The following TOX variants were observed in gnomAD, a reference collection of about 807,000 sequenced individuals.
TOX encodes the protein thymocyte selection associated high mobility group box, also known as thymocyte selection-associated high mobility group box protein TOX.
In TOX, 11 loss-of-function variants were observed where a neutral mutation model predicts 53.7. The observed-to-expected ratio is 0.20, with a 90% CI of 0.13 to 0.34. The LOEUF is 0.34. Ranked by LOEUF, TOX falls within the 10% of genes least tolerant of loss-of-function variation. The pLI, the probability that TOX is intolerant of heterozygous loss-of-function variation, is 1.00. For synonymous variants in TOX, 225 were observed against 245.3 expected (o/e 0.92, Z 0.77); for missense variants, 570 against 664.6 (o/e 0.86, Z 1.56).
At chr8:59,091,175 C>T (rs1047046186) in intron 1 of TOX, among the ~76,000 whole-genome samples, 3 of 152,162 alleles carry the variant, frequency 2.0e-5, no homozygotes, top group African/African-American at 7.2e-5. Flanking sequence ...AGCCTCAATT[C>T]CTTCTCATTC....
At chr8:58,810,724 G>A (rs972097619) in intron 7 of TOX, among the ~76,000 whole-genome samples, 5 of 151,896 alleles carry the variant, frequency 3.3e-5, no homozygotes, top group African/African-American at 1.2e-4. Flanking sequence ...AGAAGTAGTC[G>A]AGAATATATT....
chr8:58,857,371 A>G (rs1810933059), intron 3 of TOX, among the ~76,000 whole-genome samples: 1 of 152,112 alleles, frequency 6.6e-6, no homozygotes, highest in South Asian at 2.1e-4. Flanking sequence ...GGCTCTTAAT[A>G]TTTATCTCAC....
At chr8:59,013,571 C>T (rs1228451895) in intron 1 of TOX, among the ~76,000 whole-genome samples, 2 of 152,062 alleles carry the variant, frequency 1.3e-5, no homozygotes, top group Non-Finnish European at 2.9e-5. Context: ...CCACCATGCC[C>T]AGCTTATTTT....
At chr8:59,091,998 C>T (rs1429584757) in intron 1 of TOX, among the ~76,000 whole-genome samples, 1 of 151,752 alleles carries the variant, frequency 6.6e-6, no homozygotes, top group Non-Finnish European at 1.5e-5. Flanking sequence ...GCCTGTAATC[C>T]CAGCACTTTG....
chr8:58,846,711 A>G lies in TOX; in HGVS notation c.693+4813T>C, dbSNP rs111769081. Among the ~76,000 whole-genome samples the G allele has an allele frequency of 1.4e-3, 207 of 152,280 alleles. 1 individual carries two copies. The highest frequency in any genetic ancestry group is 4.7e-3 in the African/African-American group (194 of 41,556). On this transcript the variant is annotated intron_variant, in intron 4 of 8. Transcript: ENST00000361421. ...GAACTCAGAGACGACGCGTGTATTA[A>G]AGGCAGCTTTCATACTGAAGATATT...
At chr8:59,048,357 C>T (rs568194746) in intron 1 of TOX, among the ~76,000 whole-genome samples, 2 of 152,326 alleles carry the variant, frequency 1.3e-5, no homozygotes, top group African/African-American at 2.4e-5. Context: ...AGGTACCTCC[C>T]TGAGTCTGCA....
intron 3 of TOX, among the ~76,000 whole-genome samples, chr8:58,894,299 C>G (rs1395738053): frequency 6.6e-6 from 1 of 152,176 alleles, no homozygotes; most frequent in Non-Finnish European, 1.5e-5. Context: ...GTTCTCAAAA[C>G]AGCTCAGCGG....
At chr8:59,109,484 G>C (rs2129424865) in intron 1 of TOX, among the ~76,000 whole-genome samples, 1 of 152,168 alleles carries the variant, frequency 6.6e-6, no homozygotes, top group East Asian at 1.9e-4. Context: ...TAGGTGCTTA[G>C]GGGTGCTGAC....
At chr8:59,092,307 T>TATAC (rs1563443781) in intron 1 of TOX, among the ~76,000 whole-genome samples, 3 of 112,152 alleles carry the variant, frequency 2.7e-5, no homozygotes, top group African/African-American at 1.1e-4. Context: ...ATATATTATA[T>TATAC]ATTATATATA....
At chr8:59,034,011 C>T (rs1814410196) in intron 1 of TOX, among the ~76,000 whole-genome samples, 1 of 152,162 alleles carries the variant, frequency 6.6e-6, no homozygotes, top group Admixed American at 6.5e-5. Flanking sequence ...CTGCAAGTGG[C>T]CAAGATTTTG....
chr8:58,897,713 T>TTTTTTTA (rs57181050), intron 3 of TOX, among the ~76,000 whole-genome samples: 2 of 151,794 alleles, frequency 1.3e-5, no homozygotes, highest in Non-Finnish European at 2.9e-5. Flanking sequence ...CTTTTTTTTT[T>TTTTTTTA]AACACATCCT....
At chr8:58,993,278 A>T (rs989904416) in intron 1 of TOX, among the ~76,000 whole-genome samples, 8 of 152,194 alleles carry the variant, frequency 5.3e-5, no homozygotes, top group African/African-American at 1.4e-4. Context: ...TTAAGATTAG[A>T]TTTAAGGTTA....
chr8:58,865,007 A>G (rs936238965), intron 3 of TOX, among the ~76,000 whole-genome samples: 2 of 151,866 alleles, frequency 1.3e-5, no homozygotes, highest in Non-Finnish European at 2.9e-5. Context: ...AGAAAAGAAG[A>G]GCTTTCCCTA....
At chr8:58,985,121 C>T (rs929990999) in intron 1 of TOX, among the ~76,000 whole-genome samples, 1 of 149,298 alleles carries the variant, frequency 6.7e-6, no homozygotes, top group Admixed American at 6.7e-5. Context: ...ATATTATACT[C>T]ATGTCCATAG....
At chr8:58,965,191 G>T (rs552558263) in intron 1 of TOX, among the ~76,000 whole-genome samples, 1 of 152,246 alleles carries the variant, frequency 6.6e-6, no homozygotes, top group African/African-American at 2.4e-5. Flanking sequence ...TAAATAGGCT[G>T]ATTTATTTAA....
At chr8:58,969,471 T>C (rs575526068) in intron 1 of TOX, among the ~76,000 whole-genome samples, 1 of 152,334 alleles carries the variant, frequency 6.6e-6, no homozygotes, top group Admixed American at 6.5e-5. Flanking sequence ...CATCTTCAAG[T>C]ACTACATAGT....
At chr8:58,826,955 C>T in intron 5 of TOX, 53 bp from the exon 6 acceptor site, 1 of 1,466,010 alleles carries the variant, frequency 6.8e-7, no homozygotes, top group Non-Finnish European at 9.4e-7. Context: ...CTTTTGTTTT[C>T]AGAGAAGTAC....
At chr8:58,988,078 GA>G (rs1254207190) in intron 1 of TOX, among the ~76,000 whole-genome samples, 1 of 152,104 alleles carries the variant, frequency 6.6e-6, no homozygotes, top group East Asian at 1.9e-4. Context: ...AACTTCAGAT[GA>G]AAAAATACTA....
At chr8:58,817,491 T>A (rs934982507) in intron 6 of TOX, among the ~76,000 whole-genome samples, 1 of 152,076 alleles carries the variant, frequency 6.6e-6, no homozygotes, top group South Asian at 2.1e-4. Flanking sequence ...AAAGGTCAAA[T>A]GGGTTAATCG....
Sources: allele counts gnomAD v4.1 joint callset (sites outside exome capture counted in the v4.1 genomes callset), GRCh38; gene constraint gnomAD v4.1.1; transcripts MANE v1.5; gene names NCBI Gene and HGNC (gene_info 2026-07-23, HGNC 2026-07-21).